The following PCDH15 variants were observed in gnomAD, a reference collection of about 807,000 sequenced individuals.
PCDH15 encodes the protein protocadherin-15.
PCDH15 carries 129 observed loss-of-function variants against 178.5 expected under a neutral mutation model. The observed-to-expected ratio is 0.72, with a 90% CI of 0.63 to 0.84. The LOEUF (loss-of-function observed/expected upper bound fraction) is 0.84, where lower values mean the gene tolerates loss of function less well. Ranked by LOEUF, PCDH15 falls within the 40% of genes least tolerant of loss-of-function variation. PCDH15 has a pLI of 0.00. For missense variants in PCDH15, 2,230 were observed against 2,099.9 expected, an observed-to-expected ratio of 1.06 and a Z score of -1.21; for synonymous variants, 800 against 732.0, an observed-to-expected ratio of 1.09 and a Z score of -1.50.
chr10:54,274,478 C>CT (rs2058233695), intron 8 of PCDH15, among the ~76,000 whole-genome samples: 5 of 151,942 alleles, frequency 3.3e-5, no homozygotes, highest in African/African-American at 1.2e-4. Flanking sequence ...AAGGTAAGGA[C>CT]TGTTGTTTGT....
At chr10:55,185,527 A>G (rs952167645) in intron 1 of PCDH15, among the ~76,000 whole-genome samples, 1 of 151,788 alleles carries the variant, frequency 6.6e-6, no homozygotes, top group East Asian at 1.9e-4. Context: ...GGAGGAAGAG[A>G]AATATCAGTA....
At chr10:53,917,369 T>C (rs2083612473) in intron 25 of PCDH15, among the ~76,000 whole-genome samples, 1 of 152,120 alleles carries the variant, frequency 6.6e-6, no homozygotes, top group Admixed American at 6.5e-5. Flanking sequence ...TCTGAATTCT[T>C]TGACATATAA....
intron 2 of PCDH15, among the ~76,000 whole-genome samples, chr10:54,558,422 T>A (rs1169064877): frequency 6.6e-6 from 1 of 152,090 alleles, no homozygotes; most frequent in Non-Finnish European, 1.5e-5. Flanking sequence ...TCCACATGCA[T>A]CTCGCTCTGC....
chr10:55,527,791 A>G (rs113710818), intron 2 of PCDH15, among the ~76,000 whole-genome samples: 2 of 152,018 alleles, frequency 1.3e-5, no homozygotes, highest in East Asian at 3.9e-4. Flanking sequence ...GTGAATGTAC[A>G]TTTTTAAAGT....
chr10:54,329,865 C>T (rs1373569666), intron 6 of PCDH15, among the ~76,000 whole-genome samples, 159 bp from the exon 7 acceptor site: 1 of 151,818 alleles, frequency 6.6e-6, no homozygotes, highest in Admixed American at 6.6e-5. Flanking sequence ...TATCATACTT[C>T]CAAACATTTA....
chr10:55,074,646 T>C (rs1022547862), intron 2 of PCDH15, among the ~76,000 whole-genome samples: 2 of 152,144 alleles, frequency 1.3e-5, no homozygotes, highest in African/African-American at 2.4e-5. Flanking sequence ...TTGCAAAAAA[T>C]TTCTCCCACT....
intron 3 of PCDH15, among the ~76,000 whole-genome samples, chr10:54,493,633 C>G (rs964316290): frequency 4.6e-5 from 7 of 151,878 alleles, no homozygotes; most frequent in Non-Finnish European, 8.8e-5. Flanking sequence ...AAGAAACTCC[C>G]CCACCCGACT....
chr10:54,776,454 C>A (rs1949713759), intron 1 of PCDH15, among the ~76,000 whole-genome samples: 1 of 151,176 alleles, frequency 6.6e-6, no homozygotes. Flanking sequence ...AAAAAAGATT[C>A]CAAGCAGTTC....
In PCDH15 at chr10:53,933,163, CT is replaced by C. The variant is rs537128321; in HGVS notation, c.3373+5651del. Among the ~76,000 whole-genome samples, 632 of 149,020 alleles carry C rather than the reference CT, an allele frequency of 4.2e-3. 6 individuals carry two copies. The highest frequency in any genetic ancestry group is 6.9e-3 in the Middle Eastern group (2 of 288). ...AGAAATTACCCAGTCTCAGGTATTTCTTTTTTTTTTAAATTTTATTATTATT... is the reference window on the plus strand; with the variant it reads ...AGAAATTACCCAGTCTCAGGTATTTCTTTTTTTTTAAATTTTATTATTATT... On this transcript the variant is annotated intron_variant, in intron 25 of 37. Coordinates refer to ENST00000644397, the MANE Select transcript of PCDH15 (RefSeq NM_001384140.1).
chr10:54,719,725 T>C (rs11004483), intron 1 of PCDH15, among the ~76,000 whole-genome samples: 17,962 of 151,934 alleles, frequency 0.12, 1,166 homozygotes, highest in African/African-American at 0.16. Context: ...CCCCTTCGTG[T>C]GTCCATGTGT....
chr10:54,750,761 A>T (rs1946122564), intron 1 of PCDH15, among the ~76,000 whole-genome samples: 1 of 152,170 alleles, frequency 6.6e-6, no homozygotes, highest in African/African-American at 2.4e-5. Context: ...GTTTCACAGT[A>T]AATTATTTTT....
intron 8 of PCDH15, among the ~76,000 whole-genome samples, chr10:54,281,417 T>G (rs76401656): frequency 0.015 from 2,325 of 152,064 alleles, 25 homozygotes; most frequent in Non-Finnish European, 0.023. Flanking sequence ...GCTTTCAAAA[T>G]TATTTTTTGC....
At chr10:55,470,413 G>A (rs1396704929) in intron 2 of PCDH15, among the ~76,000 whole-genome samples, 1 of 151,530 alleles carries the variant, frequency 6.6e-6, no homozygotes, top group African/African-American at 2.4e-5. Flanking sequence ...TTATTAGCTT[G>A]ATAAATGAAC....
In PCDH15 at chr10:54,047,029, G is replaced by A. The variant is rs560035180; in HGVS notation, c.2220+19728C>T. Among the ~76,000 whole-genome samples, 8 of 152,226 alleles carry A rather than the reference G, an allele frequency of 5.3e-5. No homozygotes were observed. In the South Asian group the frequency reaches 1.5e-3, roughly 28 times the overall value. ...ATTTTCATCAGTCTATAAAACAGAA[G>A]TGCAATTTGTATAAAGTAGGATCTC... On this transcript the variant is annotated intron_variant, in intron 18 of 37. Coordinates refer to ENST00000644397, the MANE Select transcript of PCDH15 (RefSeq NM_001384140.1).
chr10:54,833,931 GAGGACTAA>G (rs1333707601), intron 3 of PCDH15, among the ~76,000 whole-genome samples: 2 of 152,070 alleles, frequency 1.3e-5, no homozygotes, highest in African/African-American at 2.4e-5. Context: ...AATTATGAAT[GAGGACTAA>G]AATATTTTAA....
At chr10:55,409,472 T>G (rs1447820974) in intron 2 of PCDH15, among the ~76,000 whole-genome samples, 1 of 152,200 alleles carries the variant, frequency 6.6e-6, no homozygotes, top group Non-Finnish European at 1.5e-5. Flanking sequence ...TGATGTTTCT[T>G]TGTAACTTGA....
intron 2 of PCDH15, among the ~76,000 whole-genome samples, chr10:55,009,739 C>A (rs969680914): frequency 2.0e-5 from 3 of 151,958 alleles, no homozygotes; most frequent in Non-Finnish European, 2.9e-5. Flanking sequence ...ACTTTGCAAT[C>A]GAAAACTAAA....
intron 1 of PCDH15, among the ~76,000 whole-genome samples, chr10:54,691,806 T>C (rs2095126104): frequency 6.6e-6 from 1 of 152,114 alleles, no homozygotes; most frequent in Non-Finnish European, 1.5e-5. Context: ...TCATGTAGAC[T>C]TTCTGCTTAC....
At chr10:55,512,111 G>A (rs183548329) in intron 2 of PCDH15, among the ~76,000 whole-genome samples, 18 of 152,150 alleles carry the variant, frequency 1.2e-4, no homozygotes, top group African/African-American at 3.9e-4. Flanking sequence ...TGCTGGAAAC[G>A]AGAGGTATTA....
Sources: gnomAD v4.1 joint callset for allele counts (sites outside exome capture counted in the v4.1 genomes callset) on GRCh38, gnomAD v4.1.1 for gene constraint, MANE v1.5 for transcripts, NCBI Gene and HGNC (gene_info 2026-07-23, HGNC 2026-07-21) for gene names.